PER2: variants seen among roughly 807,000 people sequenced by gnomAD.
PER2 encodes the protein period circadian protein homolog 2.
A neutral mutation model predicts 121.0 loss-of-function variants in PER2; 66 were observed. That is an observed-to-expected ratio of 0.55 (90% CI 0.45 to 0.67). The LOEUF is 0.67. Among genes scored for constraint, PER2 ranks in the 30% least tolerant of loss-of-function variants. The pLI is 0.00. For synonymous variants in PER2, 684 were observed against 659.9 expected, an observed-to-expected ratio of 1.04 and a Z score of -0.56; for missense variants, 1,521 against 1,635.0, an observed-to-expected ratio of 0.93 and a Z score of 1.20.
the PER2 span, among the ~76,000 whole-genome samples, chr2:238,297,416 G>A: frequency 1.3e-5 from 2 of 152,184 alleles, no homozygotes; most frequent in Admixed American, 1.3e-4. Flanking sequence ...CCACCCGGCA[G>A]GGCCTCTGAA....
rs1392264605 is a variant in PER2, at chr2:238,273,126, A to G, written c.514T>C (p.Ser172Pro). 6.2e-7 allele frequency: 1 copy of G among 1,613,830 alleles called. No homozygotes were observed. The highest frequency in any genetic ancestry group is 2.2e-5 in the East Asian group (1 of 44,868). The change falls in exon 5 of 23, where the codon TCC (serine) becomes CCC (proline). Residue 172 changes from serine to proline, a missense_variant. Coordinates refer to ENST00000254657, the MANE Select transcript of PER2 (RefSeq NM_022817.3). ...EGHPCGADVP[S>P]YTVEEMESVT... is the part of the protein sequence containing the mutation. ...CTCTCCATCTCCTCCACGGTGTAGG[A>G]GGGCACGTCTGCTCCACAGGGGTGA...
rs1172663228 is a variant in PER2, at chr2:238,244,165, CACTTGTCCA to C, written c.*2201_*2209del. 6.6e-6 allele frequency: 1 copy of C among 152,454 alleles called. No individual in the cohort carries two copies. The highest frequency in any genetic ancestry group is 1.5e-5 in the Non-Finnish European group (1 of 68,028). 9.4% of individuals were successfully genotyped at this position (152,454 alleles called of 1,614,324 possible). A position where few individuals can be genotyped will look rare whatever the true frequency, so the allele number is the denominator to read the frequency against. On this transcript the variant is annotated 3_prime_UTR_variant, in exon 23 of 23. Transcript: ENST00000254657. ...AAGTTTGGTTTGCACACAAACAAAC[CACTTGTCCA>C]GCAAGGCTCAACAAATCATCACAGA...
intron 1 of PER2, 58 bp from the exon 2 acceptor site, chr2:238,278,013 A>T (rs563778405): frequency 5.8e-6 from 9 of 1,565,140 alleles, no homozygotes; most frequent in African/African-American, 2.7e-5. Flanking sequence ...GGGGCGCTGC[A>T]GCCATCAGGT....
At chr2:238,299,045 G>A in the PER2 span, 6 of 151,922 alleles carry the variant, frequency 3.9e-5, no homozygotes, top group Non-Finnish European at 8.8e-5. Flanking sequence ...CCAAGGCAGA[G>A]GGATTACCTG....
intron 16 of PER2, 77 bp from the exon 17 acceptor site, chr2:238,257,163 T>C: frequency 7.3e-7 from 1 of 1,374,908 alleles, no homozygotes; most frequent in Non-Finnish European, 1.0e-6. Flanking sequence ...GACACCCAAG[T>C]GCCCATACAG....
At chr2:238,250,288 C>T (rs1487892507) in intron 21 of PER2, among the ~76,000 whole-genome samples, 2 of 152,252 alleles carry the variant, frequency 1.3e-5, no homozygotes, top group Non-Finnish European at 2.9e-5. Context: ...GAAGGAGGCA[C>T]CAGGAGCCTG....
intron 14 of PER2, among the ~76,000 whole-genome samples, chr2:238,259,629 G>A (rs1035660236): frequency 2.6e-5 from 4 of 152,232 alleles, no homozygotes; most frequent in Non-Finnish European, 2.9e-5. Context: ...AAGAACAAGC[G>A]GCCCAGGCCG....
At chr2:238,278,084 CTG>C in intron 1 of PER2, 129 bp from the exon 2 acceptor site, 1 of 993,680 alleles carries the variant, frequency 1.0e-6, no homozygotes, top group African/African-American at 1.6e-5. Context: ...TTTCTTCTCT[CTG>C]TCTCTCTCTC....
chr2:238,295,826 G>A, the PER2 span: 1 of 173,188 alleles, frequency 5.8e-6, no homozygotes, highest in Non-Finnish European at 1.2e-5. Flanking sequence ...CTACAGGGAG[G>A]AAGCCATGTG....
chr2:238,262,877 G>A, intron 10 of PER2, 75 bp downstream of exon 10: 5 of 1,001,094 alleles, frequency 5.0e-6, no homozygotes, highest in Middle Eastern at 2.2e-4. Context: ...AGCTAGACTG[G>A]TCCCAAGAAG....
rs1343146443 is a variant in PER2, at chr2:238,244,326, G to C, written c.*2049C>G. 6.6e-6 allele frequency: 1 copy of C among 152,600 alleles called. No individual in the cohort carries two copies. The highest frequency in any genetic ancestry group is 1.5e-5 in the Non-Finnish European group (1 of 68,042). The allele number at this position is 152,600 out of a possible 1,614,324, so 9.5% of individuals were successfully genotyped here. A position where few individuals can be genotyped will look rare whatever the true frequency, so the allele number is the denominator to read the frequency against. ...CTAAAGAAAACATGACTTGATGCTT[G>C]GCATCACGTAAACAAATTCACAAGA... On this transcript the variant is annotated 3_prime_UTR_variant, in exon 23 of 23. Coordinates refer to ENST00000254657, the MANE Select transcript of PER2 (RefSeq NM_022817.3).
At chr2:238,276,958 C>T (rs1696473904) in intron 3 of PER2, among the ~76,000 whole-genome samples, 173 bp downstream of exon 3, 1 of 152,088 alleles carries the variant, frequency 6.6e-6, no homozygotes. Context: ...GGTGAGGGGA[C>T]ACAGTCAGTG....
intron 22 of PER2, among the ~76,000 whole-genome samples, chr2:238,248,472 G>A (rs1695504861): frequency 6.6e-6 from 1 of 152,128 alleles, no homozygotes; most frequent in African/African-American, 2.4e-5. Context: ...GTTTGTGACA[G>A]GAGAGGGTTT....
Position 238,288,560 on chromosome 2 carries a change from C to CGGCGCTGGGACCCCGACCT in PER2, c.-250_-232dup, listed in dbSNP as rs1696862701. The CGGCGCTGGGACCCCGACCT allele has an allele frequency of 6.6e-6, 1 of 151,712 alleles. No homozygotes were observed. 9.4% of individuals were successfully genotyped at this position (151,712 alleles called of 1,614,324 possible). A position where few individuals can be genotyped will look rare whatever the true frequency, so the allele number is the denominator to read the frequency against. On this transcript the variant is annotated 5_prime_UTR_variant, in exon 1 of 23. Coordinates refer to ENST00000254657, the MANE Select transcript of PER2 (RefSeq NM_022817.3). ...CCGGCGGCGCCTCCGCTGCCCGAGC[C>CGGCGCTGGGACCCCGACCT]GGCGCTGGGACCCCGACCTGCCCGA...
chr2:238,279,043 G>A (rs1488782048), intron 1 of PER2, among the ~76,000 whole-genome samples: 1 of 152,094 alleles, frequency 6.6e-6, no homozygotes, highest in Non-Finnish European at 1.5e-5. Context: ...CTGAGGGGGG[G>A]TGAACAGAGA....
At chr2:238,272,955 C>G (rs1696334772) in intron 5 of PER2, 115 bp downstream of exon 5, 1 of 927,368 alleles carries the variant, frequency 1.1e-6, no homozygotes, top group Admixed American at 1.7e-5. Context: ...AGGAACTTAT[C>G]TGCTGAAACC....
At chr2:238,264,693 T>C (rs1033587280) in intron 9 of PER2, among the ~76,000 whole-genome samples, 5 of 152,168 alleles carry the variant, frequency 3.3e-5, no homozygotes, top group East Asian at 1.9e-4. Flanking sequence ...GGTGCAATCA[T>C]AGCTCACCGT....
chr2:238,270,428 A>G (rs965906620), intron 6 of PER2, among the ~76,000 whole-genome samples: 3 of 152,258 alleles, frequency 2.0e-5, no homozygotes, highest in African/African-American at 7.2e-5. Context: ...TAAACTAAAA[A>G]AAAAAAAAAT....
rs1416274429 is a variant in PER2, at chr2:238,246,036, TCA to T, written c.*337_*338del. The T allele has an allele frequency of 9.1e-6, 2 of 219,114 alleles. No individual in the cohort carries two copies. The highest frequency in any genetic ancestry group is 1.8e-5 in the Non-Finnish European group (2 of 113,232). 13.6% of individuals were successfully genotyped at this position (219,114 alleles called of 1,614,324 possible). On this transcript the variant is annotated 3_prime_UTR_variant, in exon 23 of 23. Coordinates refer to ENST00000254657, the MANE Select transcript of PER2 (RefSeq NM_022817.3). Reference sequence around the variant, plus strand: ...GCTGGTGCAGCAGACAGAGGTCTCGTCACAGTCACAGGACTTCTGGGAGCACT... The same window carrying T: ...GCTGGTGCAGCAGACAGAGGTCTCGTCAGTCACAGGACTTCTGGGAGCACT...
Sources: allele counts gnomAD v4.1 joint callset (sites outside exome capture counted in the v4.1 genomes callset), GRCh38; gene constraint gnomAD v4.1.1; transcripts MANE v1.5; gene names NCBI Gene and HGNC (gene_info 2026-07-23, HGNC 2026-07-21).